The following BCKDHB variants were observed in gnomAD, a reference collection of about 807,000 sequenced individuals.
BCKDHB encodes the protein branched chain keto acid dehydrogenase E1 subunit beta.
BCKDHB carries 41 observed loss-of-function variants against 48.5 expected under a neutral mutation model. The ratio of observed to expected loss-of-function variants is 0.85; its 90% CI spans 0.66 to 1.10. The LOEUF is 1.10. Among genes scored for constraint, BCKDHB ranks in the 50% least tolerant of loss-of-function variants. The probability of loss-of-function intolerance (pLI) is 0.00; values close to 1 mark genes in which losing one functional copy is unlikely to be tolerated. For synonymous variants in BCKDHB, 201 were observed against 174.8 expected, an observed-to-expected ratio of 1.15 and a Z score of -1.18; for missense variants, 496 against 494.2, an observed-to-expected ratio of 1.00 and a Z score of -0.03.
the BCKDHB span, among the ~76,000 whole-genome samples, chr6:80,428,629 T>C: frequency 2.0e-5 from 3 of 152,224 alleles, no homozygotes; most frequent in African/African-American, 7.2e-5. Flanking sequence ...CCAGTGATGA[T>C]GAGCATTTTT....
the BCKDHB span, among the ~76,000 whole-genome samples, chr6:80,434,484 A>G: frequency 2.6e-5 from 4 of 151,862 alleles, no homozygotes; most frequent in Non-Finnish European, 5.9e-5. Flanking sequence ...CTGTTTATTA[A>G]TTAAATATTT....
intron 8 of BCKDHB, among the ~76,000 whole-genome samples, chr6:80,267,139 A>G (rs1777547048): frequency 1.3e-5 from 2 of 151,262 alleles, no homozygotes. Flanking sequence ...TTCAGTAGGC[A>G]TTGTAAGTAA....
Position 80,106,935 on chromosome 6 carries a change from C to T in BCKDHB, c.196+46C>T, listed in dbSNP as rs202234832. ...CTCGGTCCCGCTGCAGCCCGGACTC[C>T]CAGGCTCGCAGGCGCCCGCGAGGGG... is the stretch of plus-strand genomic sequence containing the variant. On this transcript the variant is annotated intron_variant, in intron 1 of 9. Coordinates refer to ENST00000320393, the MANE Select transcript of BCKDHB (RefSeq NM_183050.4). 5,596 of 1,568,554 alleles carry T rather than the reference C, an allele frequency of 3.6e-3. 16 individuals carry two copies. Among genetic ancestry groups the T allele is most frequent in the Non-Finnish European group, 4.2e-3 (4,831 of 1,157,686 alleles).
intron 9 of BCKDHB, among the ~76,000 whole-genome samples, chr6:80,291,248 G>A: frequency 6.6e-6 from 1 of 152,096 alleles, no homozygotes; most frequent in East Asian, 1.9e-4. Flanking sequence ...GAGGGATGAA[G>A]ATCAATCTTC....
intron 6 of BCKDHB, among the ~76,000 whole-genome samples, chr6:80,172,618 G>A (rs1428497471): frequency 6.6e-6 from 1 of 152,028 alleles, no homozygotes; most frequent in African/African-American, 2.4e-5. Flanking sequence ...ATGCTTCTTG[G>A]CTGTGGGGAA....
At chr6:80,264,798 A>G (rs150051964) in intron 8 of BCKDHB, among the ~76,000 whole-genome samples, 6 of 152,256 alleles carry the variant, frequency 3.9e-5, no homozygotes, top group Admixed American at 1.3e-4. Context: ...TTTCTTTCCA[A>G]TCCTCAAAGG....
chr6:80,355,721 G>C, the BCKDHB span: 2 of 152,096 alleles, frequency 1.3e-5, no homozygotes, highest in African/African-American at 4.8e-5. Flanking sequence ...GGGGAATTGC[G>C]TGAGGGTTGC....
the BCKDHB span, among the ~76,000 whole-genome samples, chr6:80,432,502 A>G: frequency 6.6e-6 from 1 of 152,006 alleles, no homozygotes; most frequent in Non-Finnish European, 1.5e-5. Context: ...TGCTTCACGA[A>G]GTTCTCGTGC....
At chr6:80,305,539 C>T (rs1277631344) in intron 9 of BCKDHB, among the ~76,000 whole-genome samples, 24 of 151,996 alleles carry the variant, frequency 1.6e-4, no homozygotes, top group Admixed American at 1.6e-3. Context: ...CAAGTTATAA[C>T]AAAATCAAGC....
chr6:80,421,149 C>G, the BCKDHB span, among the ~76,000 whole-genome samples: 1 of 152,076 alleles, frequency 6.6e-6, no homozygotes, highest in African/African-American at 2.4e-5. Flanking sequence ...TTCCCCCATT[C>G]TGTTCTCATG....
At chr6:80,428,433 T>C in the BCKDHB span, among the ~76,000 whole-genome samples, 3 of 152,296 alleles carry the variant, frequency 2.0e-5, no homozygotes, top group Admixed American at 6.5e-5. Context: ...TCTTGATCCT[T>C]GAGGAGTTGC....
At chr6:80,287,183 C>T (rs953073379) in intron 9 of BCKDHB, among the ~76,000 whole-genome samples, 1 of 152,116 alleles carries the variant, frequency 6.6e-6, no homozygotes, top group Non-Finnish European at 1.5e-5. Context: ...TCAGAGAGAT[C>T]CCAAGCTGGT....
At chr6:80,427,451 T>C in the BCKDHB span, among the ~76,000 whole-genome samples, 1 of 152,186 alleles carries the variant, frequency 6.6e-6, no homozygotes, top group East Asian at 1.9e-4. Context: ...GATACATTGC[T>C]ATTATTTTTG....
intron 8 of BCKDHB, among the ~76,000 whole-genome samples, chr6:80,203,715 C>G (rs1715859569): frequency 6.6e-6 from 1 of 151,940 alleles, no homozygotes; most frequent in Non-Finnish European, 1.5e-5. Flanking sequence ...GATTCTGGCT[C>G]CTCTAATTTA....
the BCKDHB span, among the ~76,000 whole-genome samples, chr6:80,420,065 A>G: frequency 6.6e-6 from 1 of 151,912 alleles, no homozygotes; most frequent in Non-Finnish European, 1.5e-5. Context: ...ATGTTGTTTA[A>G]TTGTCTATTT....
intron 3 of BCKDHB, among the ~76,000 whole-genome samples, chr6:80,149,749 A>G (rs1314977627): frequency 1.4e-5 from 2 of 147,940 alleles, no homozygotes; most frequent in African/African-American, 2.5e-5. Context: ...AACACCACAT[A>G]TTCTCACTCA....
chr6:80,147,998 G>A (rs543812660), intron 3 of BCKDHB, among the ~76,000 whole-genome samples: 11 of 152,240 alleles, frequency 7.2e-5, no homozygotes, highest in Non-Finnish European at 1.3e-4. Context: ...CAATTAGGAG[G>A]CCATTGGTAC....
chr6:80,145,294 G>A (rs1771426765), intron 3 of BCKDHB, among the ~76,000 whole-genome samples: 1 of 152,094 alleles, frequency 6.6e-6, no homozygotes, highest in African/African-American at 2.4e-5. Context: ...GTGGACTGTT[G>A]TCCATCCTCT....
chr6:80,438,753 A>G, the BCKDHB span, among the ~76,000 whole-genome samples: 4 of 152,228 alleles, frequency 2.6e-5, no homozygotes, highest in Non-Finnish European at 5.9e-5. Context: ...TAACAAACAC[A>G]TATCATTTTC....
Sources: gnomAD v4.1 joint callset for allele counts (sites outside exome capture counted in the v4.1 genomes callset) on GRCh38, gnomAD v4.1.1 for gene constraint, MANE v1.5 for transcripts, NCBI Gene and HGNC (gene_info 2026-07-23, HGNC 2026-07-21) for gene names.